The following XRN2 variants were observed in gnomAD, a reference collection of about 807,000 sequenced individuals.
XRN2 encodes the protein DHM1-like protein.
In XRN2, 44 loss-of-function variants were observed where a neutral mutation model predicts 138.5. The ratio of observed to expected loss-of-function variants is 0.32; its 90% CI spans 0.25 to 0.41. XRN2 has a LOEUF of 0.41. Among genes scored for constraint, XRN2 ranks in the 10% least tolerant of loss-of-function variants. XRN2 has a pLI of 1.00. For missense variants in XRN2, 937 were observed against 1,169.3 expected (o/e 0.80, Z 2.90); for synonymous variants, 354 against 369.4 (o/e 0.96, Z 0.48).
chr20:21,383,370 G>A (rs954333573), intron 28 of XRN2, among the ~76,000 whole-genome samples: 1 of 152,142 alleles, frequency 6.6e-6, no homozygotes, highest in Non-Finnish European at 1.5e-5. Context: ...AATGGCAAAT[G>A]TTTGTCTGCT....
intron 21 of XRN2, among the ~76,000 whole-genome samples, chr20:21,355,119 A>G (rs2038560564): frequency 6.6e-6 from 1 of 152,246 alleles, no homozygotes; most frequent in African/African-American, 2.4e-5. Flanking sequence ...CAATACTTCA[A>G]CAATATCCTT....
At chr20:21,308,307 T>C (rs2037831307) in intron 1 of XRN2, among the ~76,000 whole-genome samples, 1 of 152,250 alleles carries the variant, frequency 6.6e-6, no homozygotes, top group Non-Finnish European at 1.5e-5. Context: ...AAGAAACCTA[T>C]GAACATCTCT....
intron 20 of XRN2, among the ~76,000 whole-genome samples, chr20:21,349,753 A>G (rs1178128965): frequency 6.6e-6 from 1 of 152,228 alleles, no homozygotes; most frequent in East Asian, 1.9e-4. Flanking sequence ...ATAAATAAAT[A>G]AATGAATAAA....
chr20:21,374,981 G>A (rs6047406), intron 27 of XRN2, among the ~76,000 whole-genome samples: 124,648 of 143,568 alleles, frequency 0.87, 54,457 homozygotes, highest in East Asian at 0.98. Context: ...CAGATTTTTC[G>A]GTAATTCTTA....
chr20:21,334,041 TAAG>T (rs779330824), intron 12 of XRN2, 34 bp from the exon 13 acceptor site: 6 of 1,613,812 alleles, frequency 3.7e-6, no homozygotes, highest in East Asian at 4.5e-5. Context: ...TTTGCTTTTA[TAAG>T]AAGATCATTT....
chr20:21,369,918 G>T (rs2038743070), intron 27 of XRN2, among the ~76,000 whole-genome samples: 1 of 152,128 alleles, frequency 6.6e-6, no homozygotes, highest in African/African-American at 2.4e-5. Context: ...CTGTGCTTGT[G>T]GGGTATTGCT....
At chr20:21,313,051 A>G (rs2037904721) in intron 1 of XRN2, among the ~76,000 whole-genome samples, 1 of 152,256 alleles carries the variant, frequency 6.6e-6, no homozygotes, top group Non-Finnish European at 1.5e-5. Context: ...AAACATGGCC[A>G]GATAAGTTGG....
At chr20:21,331,949 G>A in intron 8 of XRN2, 131 bp downstream of exon 8, 3 of 980,398 alleles carry the variant, frequency 3.1e-6, no homozygotes, top group Non-Finnish European at 4.7e-6. Flanking sequence ...TGTTCGACAG[G>A]GAACTAGTAT....
chr20:21,386,775 T>C, intron 28 of XRN2, 93 bp from the exon 29 acceptor site: 1 of 1,475,392 alleles, frequency 6.8e-7, no homozygotes. Context: ...TAAATTGGAT[T>C]GTACTAAAAT....
At chr20:21,372,616 G>A (rs938994336) in intron 27 of XRN2, among the ~76,000 whole-genome samples, 1 of 152,140 alleles carries the variant, frequency 6.6e-6, no homozygotes, top group African/African-American at 2.4e-5. Flanking sequence ...ATTATTTCAT[G>A]TGTGCAAGTT....
intron 26 of XRN2, among the ~76,000 whole-genome samples, chr20:21,368,065 G>C (rs1225642982): frequency 6.6e-6 from 1 of 152,094 alleles, no homozygotes; most frequent in Non-Finnish European, 1.5e-5. Flanking sequence ...CAAAGATGAA[G>C]AAAAGATACA....
Position 21,366,561 on chromosome 20 carries a change from C to CA in XRN2, c.2456+870dup, listed in dbSNP as rs375130220. 5.1e-3 allele frequency among the ~76,000 whole-genome samples: 571 copies of CA among 111,526 alleles called. 2 individuals carry two copies. Among genetic ancestry groups the CA allele is most frequent in the African/African-American group, 0.012 (375 of 30,086 alleles). The allele number at this position is 111,526 out of a possible 152,430, so 73.2% of individuals were successfully genotyped here. A position where few individuals can be genotyped will look rare whatever the true frequency, so the allele number is the denominator to read the frequency against. ...GACAGAGGGAGACTTCCGTCTCAAC[C>CA]AAAAAAAAAAAAAGGGAAAAAAAGA... On this transcript the variant is annotated intron_variant, in intron 26 of 29. Coordinates refer to ENST00000377191, the MANE Select transcript of XRN2 (RefSeq NM_012255.5).
At chr20:21,303,725 T>A in intron 1 of XRN2, 1 of 1,235,798 alleles carries the variant, frequency 8.1e-7, no homozygotes, top group Admixed American at 4.4e-5. Flanking sequence ...GGAGGGTCGC[T>A]CCTCCCCTAC....
chr20:21,348,430 T>A lies in XRN2; in HGVS notation c.1863T>A (p.Pro621=), dbSNP rs149305417. 136 of 1,613,516 alleles carry A rather than the reference T, an allele frequency of 8.4e-5. No homozygotes were observed. The African/African-American group carries it at 1.7e-3, about 20-fold the overall frequency. The change falls in exon 19 of 30, where the codon CCT becomes CCA. Residue 621 remains proline (P), a splice_region_variant and synonymous_variant. Coordinates refer to ENST00000377191, the MANE Select transcript of XRN2 (RefSeq NM_012255.5). ...PPSWRKLMSD[P]DSSIIDFYPE... ...CATGGCGGAAGCTCATGAGTGATCC[T>A]GTGAGTCTCAGTATTTTGAGTGTGT...
At chr20:21,384,481 ATTAAC>A (rs1382007141) in intron 28 of XRN2, among the ~76,000 whole-genome samples, 1 of 152,150 alleles carries the variant, frequency 6.6e-6, no homozygotes, top group Non-Finnish European at 1.5e-5. Context: ...TGCCTTATTT[ATTAAC>A]TTCTTTTATT....
At chr20:21,341,608 G>C (rs896240555) in intron 15 of XRN2, among the ~76,000 whole-genome samples, 6 of 152,186 alleles carry the variant, frequency 3.9e-5, no homozygotes, top group Non-Finnish European at 8.8e-5. Context: ...ACAGCAACAG[G>C]GCTGAGGGAA....
intron 20 of XRN2, among the ~76,000 whole-genome samples, 174 bp from the exon 21 acceptor site, chr20:21,354,615 C>T (rs537863010): frequency 6.6e-6 from 1 of 152,200 alleles, no homozygotes; most frequent in South Asian, 2.1e-4. Flanking sequence ...TCTGCAACTA[C>T]AGGGGAAATA....
Position 21,303,394 on chromosome 20 carries a change from C to T in XRN2, c.-5C>T, listed in dbSNP as rs2122144980. ...GTCGGCCGCCGCCTCCAGCCGTGTG[C>T]CGCTATGGGAGTCCCGGCGTTCTTC... is the stretch of plus-strand genomic sequence containing the variant. On this transcript the variant is annotated 5_prime_UTR_variant, in exon 1 of 30. Transcript: ENST00000377191. 1.3e-6 allele frequency: 2 copies of T among 1,547,930 alleles called. No individual in the cohort carries two copies. The highest frequency in any genetic ancestry group is 1.7e-6 in the Non-Finnish European group (2 of 1,145,832).
At position 21,368,468 on chromosome 20, in the gene XRN2, T is replaced by G. The variant is rs771097221; in HGVS notation, c.2462T>G (p.Val821Gly). 7.4e-6 allele frequency: 12 copies of G among 1,613,802 alleles called. No homozygotes were observed. The highest frequency in any genetic ancestry group is 1.0e-5 in the Non-Finnish European group (12 of 1,179,882). The change falls in exon 27 of 30, where the codon GTG becomes GGG. Residue 821 changes from valine to glycine, a missense_variant. This residue lies in a region of XRN2 where 372 missense variants were observed against 414.4 expected (regional missense o/e 0.90). Transcript: ENST00000377191. ...TGTGTTGGGTCCTTTTATAGCCATGTGATGCCAAGAGGCTCAGGAACTGGC... is the reference window on the plus strand; with the variant it reads ...TGTGTTGGGTCCTTTTATAGCCATGGGATGCCAAGAGGCTCAGGAACTGGC... ...DQAAFRTLGH[V>G]MPRGSGTGIY...
Sources: gnomAD v4.1 joint callset for allele counts (sites outside exome capture counted in the v4.1 genomes callset) on GRCh38, gnomAD v4.1.1 for gene constraint, gnomAD v4.1.1 regional missense constraint, MANE v1.5 for transcripts, NCBI Gene and HGNC (gene_info 2026-07-23, HGNC 2026-07-21) for gene names.